SDK1: variants seen among roughly 807,000 people sequenced by gnomAD.
SDK1 encodes sidekick cell adhesion molecule 1, also known as protein sidekick-1.
A neutral mutation model predicts 245.5 loss-of-function variants in SDK1; 157 were observed. That is an observed-to-expected ratio of 0.64 (90% CI 0.56 to 0.73). The LOEUF (loss-of-function observed/expected upper bound fraction) is 0.73. Among genes scored for constraint, SDK1 ranks in the 30% least tolerant of loss-of-function variants. The pLI is 0.00. For synonymous variants in SDK1, 1,647 were observed against 1,278.5 expected (o/e 1.29, Z -6.15); for missense variants, 3,583 against 3,002.3 (o/e 1.19, Z -4.52).
intron 1 of SDK1, among the ~76,000 whole-genome samples, chr7:3,304,755 C>T (rs1442409766): frequency 6.6e-6 from 1 of 152,176 alleles, no homozygotes; most frequent in Non-Finnish European, 1.5e-5. Context: ...GTGTTTCCCC[C>T]TATTCCAGAC....
At position 3,789,682 on chromosome 7, in the gene SDK1, C is replaced by T. The variant is rs1270035702; in HGVS notation, c.714-31768C>T. ...CTTATATCATCTCTTCCTCCTGAAA[C>T]CCCATGAAGATGATAGAAAGACAAG... On this transcript the variant is annotated intron_variant, in intron 4 of 44. Coordinates refer to ENST00000404826, the MANE Select transcript of SDK1 (RefSeq NM_152744.4). 4.6e-5 allele frequency among the ~76,000 whole-genome samples: 7 copies of T among 152,248 alleles called. No homozygotes were observed. In the East Asian group the frequency reaches 1.2e-3, roughly 25 times the overall value.
intron 1 of SDK1, among the ~76,000 whole-genome samples, chr7:3,453,256 C>G (rs531397341): frequency 6.6e-6 from 1 of 152,170 alleles, no homozygotes; most frequent in African/African-American, 2.4e-5. Context: ...GGCTCTAGAA[C>G]TTGGCTGGGC....
intron 24 of SDK1, 138 bp downstream of exon 24, chr7:4,113,577 A>G: frequency 2.0e-6 from 2 of 981,134 alleles, no homozygotes; most frequent in Admixed American, 2.6e-5. Context: ...ACCAAAAAGT[A>G]TTGCATTTTA....
chr7:4,154,924 T>A (rs944000804), intron 30 of SDK1, among the ~76,000 whole-genome samples: 1 of 151,896 alleles, frequency 6.6e-6, no homozygotes, highest in Non-Finnish European at 1.5e-5. Flanking sequence ...CCAAAATCCA[T>A]GCTCTGCCAC....
At chr7:3,531,683 T>A (rs1783352075) in intron 1 of SDK1, among the ~76,000 whole-genome samples, 1 of 152,228 alleles carries the variant, frequency 6.6e-6, no homozygotes, top group African/African-American at 2.4e-5. Context: ...CCATTATCTA[T>A]TTTTGTCGCC....
chr7:3,928,556 A>G (rs1257412882), intron 5 of SDK1, among the ~76,000 whole-genome samples: 1 of 152,118 alleles, frequency 6.6e-6, no homozygotes, highest in Non-Finnish European at 1.5e-5. Flanking sequence ...GTAGAAACAG[A>G]AGGCTTTTTT....
At position 3,355,456 on chromosome 7, in the gene SDK1, A is replaced by G. The variant is rs529426077; in HGVS notation, c.298+53572A>G. Among the ~76,000 whole-genome samples, 385 of 152,250 alleles carry G rather than the reference A, an allele frequency of 2.5e-3. 1 individual carries two copies. The highest frequency in any genetic ancestry group is 5.7e-3 in the African/African-American group (236 of 41,556). On this transcript the variant is annotated intron_variant, in intron 1 of 44. Transcript: ENST00000404826. ...GCCTCAGCCTCCCATGTTGCTTGCAATTACAGGCCTGAGCCACTGGGCCTG... is the reference window on the plus strand; with the variant it reads ...GCCTCAGCCTCCCATGTTGCTTGCAGTTACAGGCCTGAGCCACTGGGCCTG...
Position 4,052,729 on chromosome 7 carries a change from G to A in SDK1, c.2911+899G>A, listed in dbSNP as rs569446798. ...ATTATGAGTAGTTTTGGCATATTTC[G>A]TTGTATTTTTTTGCATTTTCTAGTT... On this transcript the variant is annotated intron_variant, in intron 19 of 44. Coordinates refer to ENST00000404826, the MANE Select transcript of SDK1 (RefSeq NM_152744.4). 3.0e-4 allele frequency among the ~76,000 whole-genome samples: 45 copies of A among 152,176 alleles called. No homozygotes were observed. The South Asian group carries it at 7.9e-3, about 27-fold the overall frequency.
At chr7:3,381,917 A>G (rs1781497490) in intron 1 of SDK1, among the ~76,000 whole-genome samples, 1 of 152,178 alleles carries the variant, frequency 6.6e-6, no homozygotes, top group African/African-American at 2.4e-5. Context: ...TTTTTGAATG[A>G]TACCTACTAG....
intron 1 of SDK1, among the ~76,000 whole-genome samples, chr7:3,573,210 GT>G (rs1780172846): frequency 6.6e-6 from 1 of 151,488 alleles, no homozygotes; most frequent in Admixed American, 6.5e-5. Context: ...AGTGGAGACT[GT>G]GCTGGGAGGG....
intron 5 of SDK1, among the ~76,000 whole-genome samples, chr7:3,949,888 T>C (rs1352351243): frequency 6.6e-6 from 1 of 152,218 alleles, no homozygotes; most frequent in Non-Finnish European, 1.5e-5. Flanking sequence ...CCTTTGTTAA[T>C]TGAATATATT....
intron 44 of SDK1, among the ~76,000 whole-genome samples, chr7:4,254,317 G>T (rs1418544592): frequency 6.6e-6 from 1 of 152,014 alleles, no homozygotes; most frequent in Non-Finnish European, 1.5e-5. Flanking sequence ...ATTTTTAAAA[G>T]TCTTTTCTTC....
Position 3,468,217 on chromosome 7 carries a change from T to G in SDK1, c.299-150863T>G, listed in dbSNP as rs112367348. ...CTAGATAACTGTATAATATTTTCTT[T>G]TACTACTAATGAAATGTGATTCTCT... On this transcript the variant is annotated intron_variant, in intron 1 of 44. Coordinates refer to ENST00000404826, the MANE Select transcript of SDK1 (RefSeq NM_152744.4). Among the ~76,000 whole-genome samples the G allele has an allele frequency of 3.7e-4, 57 of 152,308 alleles. 1 individual carries two copies. Among genetic ancestry groups the G allele is most frequent in the African/African-American group, 9.6e-4 (40 of 41,582 alleles).
intron 4 of SDK1, among the ~76,000 whole-genome samples, chr7:3,740,606 G>C (rs1047741392): frequency 2.0e-5 from 3 of 152,286 alleles, no homozygotes; most frequent in Non-Finnish European, 4.4e-5. Context: ...TGGCTTCAAG[G>C]CTATTGTTTT....
At chr7:3,420,345 A>T (rs191518633) in intron 1 of SDK1, among the ~76,000 whole-genome samples, 57 of 152,364 alleles carry the variant, frequency 3.7e-4, no homozygotes, top group Non-Finnish European at 4.4e-5. Flanking sequence ...TGCCAGCAGC[A>T]GGGAAAACTA....
chr7:3,745,861 G>A (rs1779601509), intron 4 of SDK1, among the ~76,000 whole-genome samples: 1 of 152,150 alleles, frequency 6.6e-6, no homozygotes, highest in Non-Finnish European at 1.5e-5. Context: ...ATAATGGATT[G>A]AAACTATTAA....
chr7:3,542,429 C>G (rs1779079259), intron 1 of SDK1, among the ~76,000 whole-genome samples: 1 of 152,142 alleles, frequency 6.6e-6, no homozygotes, highest in Admixed American at 6.5e-5. Flanking sequence ...GGCCTTTTCT[C>G]CCAGGCTCCT....
At chr7:3,870,048 G>A (rs1189806640) in intron 5 of SDK1, among the ~76,000 whole-genome samples, 3 of 152,254 alleles carry the variant, frequency 2.0e-5, no homozygotes, top group African/African-American at 7.2e-5. Context: ...TTCTGTCATT[G>A]CATCATTAAA....
At chr7:3,454,038 C>T (rs145345488) in intron 1 of SDK1, among the ~76,000 whole-genome samples, 2,466 of 152,192 alleles carry the variant, frequency 0.016, 59 homozygotes, top group African/African-American at 0.05. Context: ...ACATTGAGAA[C>T]TTTGTCATTT....
Sources: gnomAD v4.1 joint callset for allele counts (sites outside exome capture counted in the v4.1 genomes callset) on GRCh38, gnomAD v4.1.1 for gene constraint, MANE v1.5 for transcripts, NCBI Gene and HGNC (gene_info 2026-07-23, HGNC 2026-07-21) for gene names.